The following MTOR variants were observed in gnomAD, a reference collection of about 807,000 sequenced individuals.
MTOR encodes mechanistic target of rapamycin kinase, also known as serine/threonine-protein kinase mTOR.
In MTOR, 70 loss-of-function variants were observed where a neutral mutation model predicts 319.8. The ratio of observed to expected loss-of-function variants is 0.22; its 90% CI spans 0.18 to 0.27. The LOEUF is 0.27. Among genes scored for constraint, MTOR ranks in the 10% least tolerant of loss-of-function variants. MTOR has a pLI of 1.00. For synonymous variants in MTOR, 1,183 were observed against 1,211.4 expected, an observed-to-expected ratio of 0.98 and a Z score of 0.49; for missense variants, 1,890 against 3,274.4, an observed-to-expected ratio of 0.58 and a Z score of 10.32.
chr1:11,117,413 G>A (rs765483519), intron 49 of MTOR, among the ~76,000 whole-genome samples: 4 of 152,062 alleles, frequency 2.6e-5, no homozygotes, highest in Non-Finnish European at 5.9e-5. Context: ...CGCTTGCCTC[G>A]GCCTCCCAAA....
intron 29 of MTOR, among the ~76,000 whole-genome samples, chr1:11,160,370 G>A (rs1227028309): frequency 1.3e-5 from 2 of 152,164 alleles, no homozygotes; most frequent in Non-Finnish European, 2.9e-5. Flanking sequence ...AAAGTGCTGG[G>A]ATTGTAGGCG....
At chr1:11,258,640 T>C (rs112380093) in intron 2 of MTOR, 47 bp from the exon 3 acceptor site, 15 of 1,455,298 alleles carry the variant, frequency 1.0e-5, no homozygotes, top group African/African-American at 5.6e-5. Context: ...ATTCTCTAAC[T>C]GTGGTGGTGG....
At chr1:11,168,624 T>C (rs1458796262) in intron 28 of MTOR, among the ~76,000 whole-genome samples, 1 of 152,210 alleles carries the variant, frequency 6.6e-6, no homozygotes, top group African/African-American at 2.4e-5. Flanking sequence ...TAGAGTTTCT[T>C]GAACTGGCCT....
chr1:11,238,098 C>T (rs887452942), intron 12 of MTOR, 50 bp from the exon 13 acceptor site: 1 of 1,562,332 alleles, frequency 6.4e-7, no homozygotes, highest in Non-Finnish European at 8.8e-7. Context: ...CCCATCACTC[C>T]AGCCCTTCCC....
chr1:11,162,052 T>C (rs1025531315), intron 29 of MTOR, among the ~76,000 whole-genome samples: 1 of 152,096 alleles, frequency 6.6e-6, no homozygotes. Context: ...ATGAGACGAA[T>C]GGCTAACTAG....
At position 11,257,084 on chromosome 1, in the gene MTOR, T is replaced by C. The variant is rs771585496; in HGVS notation, c.353A>G (p.Asn118Ser). Residue 118 changes from asparagine (N) to serine (S), a missense_variant, in exon 4 of 58, where the codon AAT becomes AGT. Physicochemically the swap from Asn to Ser is conservative, Grantham distance 46. Around this residue, in one of 15 missense-constraint regions of MTOR, gnomAD observed 81 missense variants for 203.6 expected, o/e 0.40. Transcript: ENST00000361445. ...TGCCATTTCCATGACAACTGGGTCA[T>C]TGGAGGGGAGGAGGTTCCGAAGATA... is the stretch of plus-strand genomic sequence containing the variant. Reference protein sequence around the residue: ...ANYLRNLLPSNDPVVMEMASK... With the variant: ...ANYLRNLLPSSDPVVMEMASK... 15 of 1,613,920 alleles carry C rather than the reference T, an allele frequency of 9.3e-6. No homozygotes were observed. Among genetic ancestry groups the C allele is most frequent in the Non-Finnish European group, 1.2e-5 (14 of 1,179,992 alleles).
intron 19 of MTOR, among the ~76,000 whole-genome samples, chr1:11,221,478 AAT>A (rs1007902551): frequency 4.6e-5 from 7 of 151,444 alleles, no homozygotes; most frequent in Admixed American, 4.0e-4. Context: ...ACATCTATAA[AAT>A]ATATATATAT....
Position 11,124,458 on chromosome 1 carries a change from A to G in MTOR, c.6662+40T>C, listed in dbSNP as rs747523688. 5.7e-6 allele frequency: 9 copies of G among 1,587,702 alleles called. No homozygotes were observed. In the East Asian group the frequency reaches 2.0e-4, roughly 36 times the overall value. ...GAGACAAATGTAGGAAAAAACCAGAAGACTTCTCAAATTGTTGCCATTTCA... is the reference window on the plus strand; with the variant it reads ...GAGACAAATGTAGGAAAAAACCAGAGGACTTCTCAAATTGTTGCCATTTCA... On this transcript the variant is annotated intron_variant, in intron 47 of 57. Transcript: ENST00000361445.
chr1:11,155,621 T>C (rs1359433340), intron 30 of MTOR, among the ~76,000 whole-genome samples: 1 of 152,058 alleles, frequency 6.6e-6, no homozygotes, highest in African/African-American at 2.4e-5. Context: ...CCTACTAAAA[T>C]CCCCCATACT....
chr1:11,106,559 TATTG>T lies in MTOR; in HGVS notation c.*922_*925del. 1 of 1,070,418 alleles carries T rather than the reference TATTG, an allele frequency of 9.3e-7. No individual in the cohort carries two copies. Among genetic ancestry groups the T allele is most frequent in the Non-Finnish European group, 1.1e-6 (1 of 880,872 alleles). 66.3% of individuals were successfully genotyped at this position (1,070,418 alleles called of 1,614,324 possible). A position where few individuals can be genotyped will look rare whatever the true frequency, so the allele number is the denominator to read the frequency against. On this transcript the variant is annotated 3_prime_UTR_variant, in exon 58 of 58. Coordinates refer to ENST00000361445, the MANE Select transcript of MTOR (RefSeq NM_004958.4). ...ATATGTTTAAAATTCTGATGTCATT[TATTG>T]GCACAAAAATTATTCTGATACAACA...
chr1:11,122,422 C>CA (rs2100366603), intron 47 of MTOR, among the ~76,000 whole-genome samples: 1 of 151,350 alleles, frequency 6.6e-6, no homozygotes, highest in Non-Finnish European at 1.5e-5. Context: ...AGGATGGTCT[C>CA]AATCTCTTGA....
rs1479674605 is a variant in MTOR, at chr1:11,126,692, GC to G, written c.6455del (p.Arg2152ProfsTer5). ...GTYDPNQPII[R>X]IQSIAPSLQV... ...GCAAAGACGGTGCTATGGACTGAAT[GC>G]GAATGATTGGCTGGTTGGGGTCATA... On this transcript the variant is annotated frameshift_variant, in exon 46 of 58. Coordinates refer to ENST00000361445, the MANE Select transcript of MTOR (RefSeq NM_004958.4). LOFTEE classifies it high-confidence loss of function. 6.2e-7 allele frequency: 1 copy of G among 1,614,040 alleles called. No individual in the cohort carries two copies. The highest frequency in any genetic ancestry group is 8.5e-7 in the Non-Finnish European group (1 of 1,180,020).
chr1:11,124,770 A>G (rs550753899), intron 46 of MTOR, 137 bp from the exon 47 acceptor site: 1 of 966,458 alleles, frequency 1.0e-6, no homozygotes, highest in African/African-American at 1.6e-5. Flanking sequence ...AAGAAAAAAC[A>G]ATCTTTAGAA....
At chr1:11,189,765 G>A (rs1571113395) in intron 28 of MTOR, 1 of 1,614,174 alleles carries the variant, frequency 6.2e-7, no homozygotes, top group Non-Finnish European at 8.5e-7. Context: ...TTAGCAGCCT[G>A]CTGAGTGAAC....
chr1:11,172,605 T>G (rs1039418892), intron 28 of MTOR, among the ~76,000 whole-genome samples: 2 of 144,606 alleles, frequency 1.4e-5, no homozygotes, highest in African/African-American at 5.2e-5. Flanking sequence ...GCGCGGTGGC[T>G]CACGCCTATA....
At position 11,107,162 on chromosome 1, in the gene MTOR, T is replaced by C. The variant is rs1338793665; in HGVS notation, c.*323A>G. On this transcript the variant is annotated 3_prime_UTR_variant, in exon 58 of 58. Transcript: ENST00000361445. ...TCCATCAGCAAGTACTTATGATGAG[T>C]TCTCTTGTGAGTTAAGTCAAAACCC... 7.2e-7 allele frequency: 1 copy of C among 1,385,100 alleles called. No homozygotes were observed. Among genetic ancestry groups the C allele is most frequent in the Non-Finnish European group, 9.5e-7 (1 of 1,050,716 alleles). The allele number at this position is 1,385,100 out of a possible 1,614,324, so 85.8% of individuals were successfully genotyped here.
At chr1:11,225,500 C>T (rs1646804174) in intron 19 of MTOR, among the ~76,000 whole-genome samples, 1 of 150,976 alleles carries the variant, frequency 6.6e-6, no homozygotes, top group Non-Finnish European at 1.5e-5. Context: ...CAGCTCACTG[C>T]AACCTCCACC....
chr1:11,159,221 T>A (rs757526041), intron 29 of MTOR, among the ~76,000 whole-genome samples: 1 of 152,078 alleles, frequency 6.6e-6, no homozygotes, highest in Admixed American at 6.6e-5. Flanking sequence ...CTAGGTGGAG[T>A]ACATGAAGTG....
intron 30 of MTOR, among the ~76,000 whole-genome samples, 186 bp from the exon 31 acceptor site, chr1:11,150,412 C>T (rs1175981747): frequency 6.6e-6 from 1 of 152,104 alleles, no homozygotes; most frequent in Admixed American, 6.5e-5. Context: ...ACCCGGTGCT[C>T]GTAATTTTTC....
Sources: allele counts gnomAD v4.1 joint callset (sites outside exome capture counted in the v4.1 genomes callset), GRCh38; gene constraint gnomAD v4.1.1; regional missense constraint gnomAD v4.1.1; transcripts MANE v1.5; gene names NCBI Gene and HGNC (gene_info 2026-07-23, HGNC 2026-07-21).